WIPF1: variants seen among roughly 807,000 people sequenced by gnomAD.
WIPF1 encodes the protein WAS/WASL-interacting protein family member 1.
In WIPF1, 13 loss-of-function variants were observed where a neutral mutation model predicts 35.4. The ratio of observed to expected loss-of-function variants is 0.37; its 90% CI spans 0.24 to 0.58. The LOEUF is 0.58. WIPF1 is among the 20% of genes least tolerant of loss of function. WIPF1 has a pLI of 0.74. For missense variants in WIPF1, 591 were observed against 667.0 expected (o/e 0.89, Z 1.25); for synonymous variants, 267 against 266.3 (o/e 1.00, Z -0.02).
chr2:174,660,086 G>A (rs552825298), intron 1 of WIPF1, among the ~76,000 whole-genome samples: 12 of 152,326 alleles, frequency 7.9e-5, no homozygotes, highest in Admixed American at 6.5e-4. Flanking sequence ...TGGCAAGGTG[G>A]TTTGGAACCA....
At chr2:174,658,626 T>C (rs756437759) in intron 1 of WIPF1, among the ~76,000 whole-genome samples, 23 of 151,950 alleles carry the variant, frequency 1.5e-4, no homozygotes, top group Non-Finnish European at 2.8e-4. Flanking sequence ...CAAGCTCACA[T>C]AGAATGAAAT....
At chr2:174,589,134 C>T (rs1685525458) in intron 1 of WIPF1, among the ~76,000 whole-genome samples, 1 of 152,210 alleles carries the variant, frequency 6.6e-6, no homozygotes, top group Non-Finnish European at 1.5e-5. Context: ...AGACCAAGCT[C>T]GTGTGCCCCA....
chr2:174,582,520 A>G (rs1231910890), intron 2 of WIPF1, among the ~76,000 whole-genome samples: 1 of 152,250 alleles, frequency 6.6e-6, no homozygotes, highest in African/African-American at 2.4e-5. Context: ...GGGGAAATGT[A>G]TGGCTCAATA....
At chr2:174,660,703 C>T (rs974834074) in intron 1 of WIPF1, among the ~76,000 whole-genome samples, 2 of 152,132 alleles carry the variant, frequency 1.3e-5, no homozygotes, top group Non-Finnish European at 2.9e-5. Flanking sequence ...TGAGGGTGGA[C>T]TGGATCAGAC....
intron 1 of WIPF1, among the ~76,000 whole-genome samples, chr2:174,612,156 C>A (rs1361936269): frequency 6.6e-6 from 1 of 152,156 alleles, no homozygotes; most frequent in African/African-American, 2.4e-5. Context: ...CTTGGCCTCC[C>A]AAAGTACTGG....
intron 1 of WIPF1, among the ~76,000 whole-genome samples, chr2:174,633,328 T>C (rs1286154523): frequency 1.3e-5 from 2 of 152,186 alleles, no homozygotes; most frequent in Non-Finnish European, 2.9e-5. Flanking sequence ...CCCTTCGTTG[T>C]TTATCATACA....
chr2:174,619,925 G>T (rs999697347), intron 1 of WIPF1, among the ~76,000 whole-genome samples: 7 of 151,576 alleles, frequency 4.6e-5, no homozygotes, highest in Non-Finnish European at 7.4e-5. Flanking sequence ...CTGGGCCACA[G>T]GGCAAGACTC....
chr2:174,573,553 C>T lies in WIPF1; in HGVS notation c.359-1107G>A, dbSNP rs148754951. Among the ~76,000 whole-genome samples, 20 of 152,322 alleles carry T rather than the reference C, an allele frequency of 1.3e-4. No homozygotes were observed. In the East Asian group the frequency reaches 3.9e-3, roughly 29 times the overall value. The stretch of plus-strand genomic sequence containing the variant: ...CCAGGGTACATGGAGTGGCTGGGGA[C>T]AGCTCTTCTGAGAATGTGACATGTG... On this transcript the variant is annotated intron_variant, in intron 4 of 7. Transcript: ENST00000679041.
chr2:174,647,310 C>T (rs1332480870), intron 1 of WIPF1, among the ~76,000 whole-genome samples: 1 of 151,560 alleles, frequency 6.6e-6, no homozygotes, highest in African/African-American at 2.4e-5. Flanking sequence ...GCCAGGAGTC[C>T]GAGGCTGCTG....
At chr2:174,666,100 G>A (rs970286371) in intron 1 of WIPF1, among the ~76,000 whole-genome samples, 5 of 152,160 alleles carry the variant, frequency 3.3e-5, no homozygotes, top group Admixed American at 2.6e-4. Flanking sequence ...GGGCAACACA[G>A]TGAGACCTCA....
At chr2:174,566,525 GTCAT>G (rs1684665819) in intron 7 of WIPF1, 1 of 152,042 alleles carries the variant, frequency 6.6e-6, no homozygotes, top group Admixed American at 6.5e-5. Context: ...ACTGTACATC[GTCAT>G]TATAACTACA....
At position 174,592,276 on chromosome 2, in the gene WIPF1, G is replaced by A. The variant is rs112453144; in HGVS notation, c.-39+5325C>T. Reference sequence around the variant, plus strand: ...CACAGTTGACAATCCTCCAAAGGCCGGTCTCTAATCCCAAGTGGGCAGGGG... The same window carrying A: ...CACAGTTGACAATCCTCCAAAGGCCAGTCTCTAATCCCAAGTGGGCAGGGG... On this transcript the variant is annotated intron_variant, in intron 1 of 7. Coordinates refer to ENST00000679041, the MANE Select transcript of WIPF1 (RefSeq NM_001375834.1). 2.2e-3 allele frequency among the ~76,000 whole-genome samples: 342 copies of A among 152,278 alleles called. 2 individuals carry two copies. Among genetic ancestry groups the A allele is most frequent in the Middle Eastern group, 6.8e-3 (2 of 294 alleles).
intron 3 of WIPF1, among the ~76,000 whole-genome samples, chr2:174,578,253 C>A (rs1323983923): frequency 6.6e-6 from 1 of 152,164 alleles, no homozygotes; most frequent in Non-Finnish European, 1.5e-5. Context: ...AGTTGAAAAC[C>A]ACTAATGTAC....
At chr2:174,631,158 T>C (rs1245069523) in intron 1 of WIPF1, among the ~76,000 whole-genome samples, 1 of 152,136 alleles carries the variant, frequency 6.6e-6, no homozygotes, top group Non-Finnish European at 1.5e-5. Flanking sequence ...CTCAAAGATA[T>C]GTGCAAACCC....
At chr2:174,613,434 T>C (rs1171517505) in intron 1 of WIPF1, among the ~76,000 whole-genome samples, 1 of 152,246 alleles carries the variant, frequency 6.6e-6, no homozygotes, top group African/African-American at 2.4e-5. Context: ...TGGTGGGCTG[T>C]AATTTCCAGT....
At position 174,629,104 on chromosome 2, in the gene WIPF1, T is replaced by C. The variant is rs1409834942; in HGVS notation, c.-38-43493A>G. On this transcript the variant is annotated intron_variant, in intron 1 of 8. Transcript: ENST00000272746. ...ACCCTTAAAGGAAGTCTTTAAAACA[T>C]AGAGAGGCTGAGGCAGGAGAATTGC... Among the ~76,000 whole-genome samples the C allele has an allele frequency of 5.9e-5, 9 of 152,236 alleles. No individual in the cohort carries two copies. The South Asian group carries it at 1.0e-3, about 18-fold the overall frequency.
intron 1 of WIPF1, among the ~76,000 whole-genome samples, chr2:174,680,070 C>T (rs1353868792): frequency 6.6e-6 from 1 of 152,186 alleles, no homozygotes; most frequent in Admixed American, 6.5e-5. Flanking sequence ...CTCTGAATTC[C>T]CTGTTCCCTG....
intron 1 of WIPF1, among the ~76,000 whole-genome samples, chr2:174,648,155 G>C (rs558707735): frequency 1.6e-4 from 25 of 152,284 alleles, no homozygotes; most frequent in African/African-American, 4.6e-4. Flanking sequence ...AACATCTCTC[G>C]AGATTTTATT....
chr2:174,629,116 G>C (rs1160144934), intron 1 of WIPF1, among the ~76,000 whole-genome samples: 1 of 152,156 alleles, frequency 6.6e-6, no homozygotes, highest in South Asian at 2.1e-4. Flanking sequence ...GAGAGGCTGA[G>C]GCAGGAGAAT....
Sources: gnomAD v4.1 joint callset for allele counts (sites outside exome capture counted in the v4.1 genomes callset) on GRCh38, gnomAD v4.1.1 for gene constraint, MANE v1.5 for transcripts, NCBI Gene and HGNC (gene_info 2026-07-23, HGNC 2026-07-21) for gene names.